Variants in GMFB observed in about 807,000 individuals in gnomAD.
The protein encoded by GMFB is glia maturation factor beta.
Under a neutral mutation model 25.6 loss-of-function variants are expected in GMFB, and 13 were observed. The ratio of observed to expected loss-of-function variants is 0.51; its 90% CI spans 0.33 to 0.81. The LOEUF (loss-of-function observed/expected upper bound fraction) is 0.81, where lower values mean the gene tolerates loss of function less well. Among genes scored for constraint, GMFB ranks in the 30% least tolerant of loss-of-function variants. GMFB has a pLI of 0.02. For missense variants in GMFB, 146 were observed against 175.4 expected, an observed-to-expected ratio of 0.83 and a Z score of 0.95; for synonymous variants, 57 against 56.9, an observed-to-expected ratio of 1.00 and a Z score of 0.00.
intron 3 of GMFB, 84 bp downstream of exon 3, chr14:54,482,069 T>C (rs1321474512): frequency 1.2e-6 from 1 of 862,450 alleles, no homozygotes; most frequent in African/African-American, 1.7e-5. Context: ...AGATTCGTTT[T>C]AGAAGCATAT....
intron 6 of GMFB, chr14:54,479,391 T>C (rs2140031626): frequency 6.5e-6 from 1 of 154,742 alleles, no homozygotes; most frequent in Non-Finnish European, 1.4e-5. Flanking sequence ...AACAATACAA[T>C]TAACTGCATA....
At chr14:54,481,718 G>C (rs1234328851) in intron 3 of GMFB, among the ~76,000 whole-genome samples, 3 of 152,076 alleles carry the variant, frequency 2.0e-5, no homozygotes, top group Admixed American at 2.0e-4. Flanking sequence ...TTATGTCCCA[G>C]CTGTCAGGAA....
chr14:54,476,778 A>G lies in GMFB; in HGVS notation c.*1310T>C. ...TTGAGATGACTAAGATATTCTTAAT[A>G]TAAGAATACACTCACCAAGTTTGGT... On this transcript the variant is annotated 3_prime_UTR_variant, in exon 7 of 7. Transcript: ENST00000358056. 1 of 152,208 alleles carries G rather than the reference A, an allele frequency of 6.6e-6. No homozygotes were observed. Among genetic ancestry groups the G allele is most frequent in the East Asian group, 1.9e-4 (1 of 5,184 alleles). The allele number at this position is 152,208 out of a possible 1,614,324, so 9.4% of individuals were successfully genotyped here. A position where few individuals can be genotyped will look rare whatever the true frequency, so the allele number is the denominator to read the frequency against.
intron 6 of GMFB, chr14:54,479,506 T>C (rs2031682572): frequency 3.2e-6 from 1 of 310,322 alleles, no homozygotes; most frequent in African/African-American, 2.2e-5. Context: ...TTATGGCAGA[T>C]AAACTAACTC....
In GMFB at chr14:54,478,099, A is replaced by G. The variant is rs756735322; in HGVS notation, c.418T>C (p.Phe140Leu). ...CACAGAAGTTCACATTAGTGAAAAA[A>G]TCCAAGTTTCTCACGTAACCATTCT... is the stretch of plus-strand genomic sequence containing the variant. The part of the protein sequence containing the change: ...TEEWLREKLG[F>L]FH The change falls in exon 7 of 7, where the codon TTT (phenylalanine) becomes CTT (leucine). Residue 140 changes from phenylalanine (F) to leucine (L), a missense_variant. Physicochemically the swap from Phe to Leu is conservative, Grantham distance 22. Coordinates refer to ENST00000358056, the MANE Select transcript of GMFB (RefSeq NM_004124.3). The G allele has an allele frequency of 1.4e-6, 2 of 1,424,800 alleles. No homozygotes were observed. Among genetic ancestry groups the G allele is most frequent in the African/African-American group, 1.4e-5 (1 of 69,394 alleles). The allele number at this position is 1,424,800 out of a possible 1,614,324, so 88.3% of individuals were successfully genotyped here. A position where few individuals can be genotyped will look rare whatever the true frequency, so the allele number is the denominator to read the frequency against.
chr14:54,487,927 C>T (rs1286603533), intron 1 of GMFB, among the ~76,000 whole-genome samples: 1 of 151,950 alleles, frequency 6.6e-6, no homozygotes, highest in African/African-American at 2.4e-5. Context: ...AACAGATGGA[C>T]CAATAGGAGA....
rs183943203 is a variant in GMFB at position 54,487,118 on chromosome 14, A to G, written c.3+1807T>C. On this transcript the variant is annotated intron_variant, in intron 1 of 6. Coordinates refer to ENST00000358056, the MANE Select transcript of GMFB (RefSeq NM_004124.3). ...AATATTAATATATAGATCTGGGGTC[A>G]GGCGCGGTAGCTCACGTCTGTAATC... 8.1e-3 allele frequency among the ~76,000 whole-genome samples: 1,227 copies of G among 152,310 alleles called. 21 individuals are homozygous for G. Among genetic ancestry groups the G allele is most frequent in the South Asian group, 0.028 (136 of 4,832 alleles).
At chr14:54,480,979 T>A (rs759163667) in intron 4 of GMFB, 23 bp from the exon 5 acceptor site, 2 of 1,113,340 alleles carry the variant, frequency 1.8e-6, no homozygotes, top group Non-Finnish European at 2.7e-6. Context: ...TTAAAGAAAC[T>A]AAAGTTACTG....
chr14:54,482,106 A>G, intron 3 of GMFB, 47 bp downstream of exon 3: 1 of 1,207,294 alleles, frequency 8.3e-7, no homozygotes, highest in African/African-American at 1.5e-5. Flanking sequence ...CTTTTGAGAA[A>G]TAATAATTAC....
chr14:54,483,725 C>T lies in GMFB; in HGVS notation c.46G>A (p.Glu16Lys). Residue 16 changes from glutamate to lysine, a missense_variant, in exon 2 of 7, where the codon GAA becomes AAA. Transcript: ENST00000358056. ...VVCDVAEDLV[E>K]KLRKFRFRKE... ...CGAAAACGAAACTTTCTCAGCTTTT[C>T]CACTAAATCTTCGGCAACATCACAA... The T allele has an allele frequency of 6.2e-7, 1 of 1,610,980 alleles. No homozygotes were observed. Among genetic ancestry groups the T allele is most frequent in the Non-Finnish European group, 8.5e-7 (1 of 1,177,362 alleles).
intron 2 of GMFB, chr14:54,483,447 A>C (rs2031740309): frequency 3.9e-6 from 2 of 515,658 alleles, no homozygotes; most frequent in Admixed American, 7.5e-5. Flanking sequence ...AGAGCTGTAC[A>C]GGCAGCTGAT....
At chr14:54,479,527 T>C (rs2031682887) in intron 6 of GMFB, 2 of 378,226 alleles carry the variant, frequency 5.3e-6, no homozygotes, top group African/African-American at 4.2e-5. Context: ...TCAATAGATT[T>C]AATAGTTACA....
intron 6 of GMFB, chr14:54,479,245 T>C (rs559590330): frequency 6.6e-6 from 1 of 152,254 alleles, no homozygotes; most frequent in East Asian, 1.9e-4. Flanking sequence ...TTAAATAAAG[T>C]TTGAGAGCCA....
intron 1 of GMFB, 100 bp downstream of exon 1, chr14:54,488,825 T>G: frequency 1.0e-6 from 1 of 998,400 alleles, no homozygotes; most frequent in South Asian, 1.6e-5. Flanking sequence ...CGCCGAGCCC[T>G]CCTGGGCGCT....
At chr14:54,479,907 G>T in intron 5 of GMFB, 48 bp from the exon 6 acceptor site, 1 of 1,040,126 alleles carries the variant, frequency 9.6e-7, no homozygotes, top group Non-Finnish European at 1.5e-6. Context: ...TTTTGAGAAA[G>T]GTATGGGTTA....
In GMFB at chr14:54,481,460, T is replaced by TG. The variant is rs765492512; in HGVS notation, c.151-3dup. 4.4e-6 allele frequency: 7 copies of TG among 1,605,850 alleles called. No individual in the cohort carries two copies. In the African/African-American group the frequency reaches 6.7e-5, roughly 15 times the overall value. On this transcript the variant is annotated splice_region_variant and splice_polypyrimidine_tract_variant and intron_variant, in intron 3 of 6. Coordinates refer to ENST00000358056, the MANE Select transcript of GMFB (RefSeq NM_004124.3). ...TTTAAGTTCATCTGGTGAAATGCCC[T>TG]GGCACCACAGAGAAAAGCAACTTTT...
At chr14:54,486,227 C>T (rs368705928) in intron 1 of GMFB, among the ~76,000 whole-genome samples, 17 of 152,012 alleles carry the variant, frequency 1.1e-4, no homozygotes, top group East Asian at 7.7e-4. Flanking sequence ...TCTAGCCTGG[C>T]GACAGAGCGA....
At chr14:54,480,826 TTAATTGGATCTAAGCCAAATA>T in intron 5 of GMFB, 27 bp downstream of exon 5, 1 of 934,240 alleles carries the variant, frequency 1.1e-6, no homozygotes, top group Non-Finnish European at 1.7e-6. Context: ...ATAAAATGGC[TTAATTGGATCTAAGCCAAATA>T]TGTGTTATTT....
At chr14:54,482,576 G>GA (rs2031727484) in intron 2 of GMFB, among the ~76,000 whole-genome samples, 1 of 152,170 alleles carries the variant, frequency 6.6e-6, no homozygotes, top group Non-Finnish European at 1.5e-5. Flanking sequence ...AACTGCAAGG[G>GA]AAAAAGTGCC....
Sources: gnomAD v4.1 joint callset for allele counts (sites outside exome capture counted in the v4.1 genomes callset) on GRCh38, gnomAD v4.1.1 for gene constraint, MANE v1.5 for transcripts, NCBI Gene and HGNC (gene_info 2026-07-23, HGNC 2026-07-21) for gene names.